The following GALNT18 variants were observed in gnomAD, a reference collection of about 807,000 sequenced individuals.
The protein encoded by GALNT18 is polypeptide N-acetylgalactosaminyltransferase 18.
Under a neutral mutation model 69.5 loss-of-function variants are expected in GALNT18, and 44 were observed. That is an observed-to-expected ratio of 0.63 (90% CI 0.50 to 0.81). The LOEUF (loss-of-function observed/expected upper bound fraction) is 0.81. Among genes scored for constraint, GALNT18 ranks in the 40% least tolerant of loss-of-function variants. GALNT18 has a pLI of 0.00. For missense variants in GALNT18, 715 were observed against 810.0 expected (o/e 0.88, Z 1.42); for synonymous variants, 364 against 318.2 (o/e 1.14, Z -1.53).
Position 11,360,378 on chromosome 11 carries a change from G to A in GALNT18, c.1092+12137C>T, listed in dbSNP as rs79664291. On this transcript the variant is annotated intron_variant, in intron 6 of 10. Transcript: ENST00000227756. ...GTTTTGACCCTGAGCAGGTTGTGCC[G>A]TTTAGCACATTAACCTGAATTATGC... 2.0e-3 allele frequency among the ~76,000 whole-genome samples: 307 copies of A among 152,298 alleles called. 10 individuals carry two copies. The East Asian group carries it at 0.05, about 25-fold the overall frequency.
rs1856872549 is a variant in GALNT18 at position 11,496,697 on chromosome 11, C to T, written c.236-47761G>A. The stretch of plus-strand genomic sequence containing the variant: ...GGGCAAGCTGATGGGAAACACTGAG[C>T]CTCGGTTTCCTTGTGAGGATCCCCC... On this transcript the variant is annotated intron_variant, in intron 1 of 10. Coordinates refer to ENST00000227756, the MANE Select transcript of GALNT18 (RefSeq NM_198516.3). This position sits in a 1 kb window ranked among gnomAD's most constrained non-coding sequence, Gnocchi z 4.0. Among the ~76,000 whole-genome samples the T allele has an allele frequency of 6.6e-6, 1 of 152,120 alleles. No individual in the cohort carries two copies. Among genetic ancestry groups the T allele is most frequent in the South Asian group, 2.1e-4 (1 of 4,814 alleles).
Position 11,312,017 on chromosome 11 carries a change from C to T in GALNT18, c.1512+15069G>A, listed in dbSNP as rs190119807. Among the ~76,000 whole-genome samples, 706 of 152,272 alleles carry T rather than the reference C, an allele frequency of 4.6e-3. 6 individuals carry two copies. The highest frequency in any genetic ancestry group is 0.016 in the African/African-American group (668 of 41,556). On this transcript the variant is annotated intron_variant, in intron 9 of 10. Coordinates refer to ENST00000227756, the MANE Select transcript of GALNT18 (RefSeq NM_198516.3). ...TGTTGCCCAGGCTGGAGTGCAGTGGCGCAATCTCGGCTCACTGCAAGCTCT... is the reference window on the plus strand; with the variant it reads ...TGTTGCCCAGGCTGGAGTGCAGTGGTGCAATCTCGGCTCACTGCAAGCTCT...
intron 3 of GALNT18, among the ~76,000 whole-genome samples, chr11:11,431,298 G>C (rs904292622): frequency 1.4e-5 from 2 of 143,800 alleles, no homozygotes; most frequent in African/African-American, 3.0e-5. Flanking sequence ...TCCAGGGATA[G>C]AGTGTGTGGG....
At chr11:11,271,399 G>T (rs1346823682) in intron 10 of GALNT18, 109 bp from the exon 11 acceptor site, 30 of 1,107,472 alleles carry the variant, frequency 2.7e-5, no homozygotes, top group Non-Finnish European at 3.5e-5. Flanking sequence ...TGTGTGGCCA[G>T]ATCCCAGGAG....
chr11:11,550,995 T>G (rs1347507571), intron 1 of GALNT18, among the ~76,000 whole-genome samples: 2 of 151,782 alleles, frequency 1.3e-5, no homozygotes, highest in East Asian at 1.9e-4. Context: ...AATTTCACCT[T>G]TCCTGGGGGA....
intron 10 of GALNT18, among the ~76,000 whole-genome samples, chr11:11,275,914 C>T (rs1301823562): frequency 6.6e-6 from 1 of 152,150 alleles, no homozygotes; most frequent in Admixed American, 6.5e-5. Flanking sequence ...GTACCAGTAC[C>T]ATGCTGTTTT....
intron 1 of GALNT18, among the ~76,000 whole-genome samples, chr11:11,517,617 C>G (rs3934924): frequency 0.01 from 1,570 of 152,248 alleles, 28 homozygotes; most frequent in African/African-American, 0.036. Context: ...CTGGCCTGTT[C>G]TAAATAATAT....
At chr11:11,353,337 C>T in intron 6 of GALNT18, 2 of 613,836 alleles carry the variant, frequency 3.3e-6, no homozygotes, top group Non-Finnish European at 5.7e-6. Context: ...TAAAAACCTT[C>T]CCATCTCTAA....
intron 3 of GALNT18, among the ~76,000 whole-genome samples, chr11:11,417,323 C>G (rs916931354): frequency 6.6e-6 from 1 of 152,170 alleles, no homozygotes; most frequent in African/African-American, 2.4e-5. Flanking sequence ...GGAGTGGCTA[C>G]TTTCTGAGAA....
At position 11,463,237 on chromosome 11, in the gene GALNT18, G is replaced by A. The variant is rs1302800766; in HGVS notation, c.236-14301C>T. ...ACACACACACACACAGAGAGAGAGA[G>A]AGAGAGTTCCAGAAGCCCGCAGCAG... On this transcript the variant is annotated intron_variant, in intron 1 of 10. Transcript: ENST00000227756. This position sits in a 1 kb window ranked among gnomAD's most constrained non-coding sequence, Gnocchi z 4.2. Among the ~76,000 whole-genome samples, 1 of 152,136 alleles carries A rather than the reference G, an allele frequency of 6.6e-6. No individual in the cohort carries two copies. The highest frequency in any genetic ancestry group is 1.5e-5 in the Non-Finnish European group (1 of 68,020).
At chr11:11,285,155 G>A (rs1405004621) in intron 10 of GALNT18, among the ~76,000 whole-genome samples, 1 of 151,986 alleles carries the variant, frequency 6.6e-6, no homozygotes, top group Non-Finnish European at 1.5e-5. Context: ...GCTCAGCAGG[G>A]AGGCCCCAGC....
At chr11:11,565,256 C>T (rs376916277) in intron 1 of GALNT18, among the ~76,000 whole-genome samples, 1 of 152,224 alleles carries the variant, frequency 6.6e-6, no homozygotes, top group African/African-American at 2.4e-5. Context: ...CTGTCGCCTG[C>T]TAATGCTACC....
chr11:11,323,886 G>GT (rs569824179), intron 9 of GALNT18, among the ~76,000 whole-genome samples: 21 of 152,200 alleles, frequency 1.4e-4, no homozygotes, highest in Admixed American at 6.5e-4. Context: ...ACACCTTAGT[G>GT]TTTTTTTCAG....
Position 11,339,772 on chromosome 11 carries a change from C to A in GALNT18, c.1278+1047G>T, listed in dbSNP as rs374466207. Among the ~76,000 whole-genome samples the A allele has an allele frequency of 7.2e-5, 11 of 152,312 alleles. 1 individual carries two copies. The South Asian group carries it at 2.3e-3, about 32-fold the overall frequency. ...TGCAACCCAACTCAAGTTCCCCTCT[C>A]CTACGGTGGTGGTGTGGCTGGGAGG... On this transcript the variant is annotated intron_variant, in intron 7 of 10. Coordinates refer to ENST00000227756, the MANE Select transcript of GALNT18 (RefSeq NM_198516.3). This position sits in a 1 kb window ranked among gnomAD's most constrained non-coding sequence, Gnocchi z 5.2.
chr11:11,440,186 T>C (rs1461314642), intron 2 of GALNT18, among the ~76,000 whole-genome samples: 1 of 152,222 alleles, frequency 6.6e-6, no homozygotes, highest in Non-Finnish European at 1.5e-5. Flanking sequence ...ATGTAAAATG[T>C]AGACGGAAAA....
chr11:11,304,641 T>C (rs769093020), intron 9 of GALNT18, among the ~76,000 whole-genome samples: 8 of 152,210 alleles, frequency 5.3e-5, no homozygotes, highest in South Asian at 2.1e-4. Flanking sequence ...TGATTTGTTG[T>C]TCGAAATAGT....
chr11:11,272,205 T>A (rs1295965390), intron 10 of GALNT18, among the ~76,000 whole-genome samples: 2 of 152,162 alleles, frequency 1.3e-5, no homozygotes, highest in African/African-American at 4.8e-5. Flanking sequence ...GGTATTTGTG[T>A]GAGAAACATG....
rs1857942181 is a variant in GALNT18 at position 11,542,082 on chromosome 11, A to G, written c.235+79277T>C. Among the ~76,000 whole-genome samples the G allele has an allele frequency of 6.6e-6, 1 of 152,198 alleles. No homozygotes were observed. The highest frequency in any genetic ancestry group is 2.4e-5 in the African/African-American group (1 of 41,438). Reference sequence around the variant, plus strand: ...GAACGCAGAGGGAAACTGCCCAGTGAGGAGGCTGCAGAGGGTTCCACGCAC... The same window carrying G: ...GAACGCAGAGGGAAACTGCCCAGTGGGGAGGCTGCAGAGGGTTCCACGCAC... On this transcript the variant is annotated intron_variant, in intron 1 of 10. Transcript: ENST00000227756. The surrounding 1 kb of genome is among the most constrained non-coding windows in gnomAD (Gnocchi z 4.3).
In GALNT18 at chr11:11,384,639, C is replaced by T. The variant is rs1218860742; in HGVS notation, c.596-5375G>A. ...GGGATTAGTGCACTTATAAAAGGGG[C>T]TCCAGAGAGTGCTCTTTTCCTCTTT... On this transcript the variant is annotated intron_variant, in intron 3 of 10. Transcript: ENST00000227756. Among the ~76,000 whole-genome samples the T allele has an allele frequency of 3.9e-5, 6 of 152,310 alleles. No individual in the cohort carries two copies. In the East Asian group the frequency reaches 1.2e-3, roughly 29 times the overall value.
Sources: allele counts gnomAD v4.1 joint callset (sites outside exome capture counted in the v4.1 genomes callset), GRCh38; gene constraint gnomAD v4.1.1; non-coding constraint Gnocchi (gnomAD v3.1); transcripts MANE v1.5; gene names NCBI Gene and HGNC (gene_info 2026-07-23, HGNC 2026-07-21).